The following DRICH1 variants were observed in gnomAD, a reference collection of about 807,000 sequenced individuals.
DRICH1 encodes the protein aspartate rich 1.
A neutral mutation model predicts 39.5 loss-of-function variants in DRICH1; 38 were observed. The observed-to-expected ratio is 0.96, with a 90% confidence interval of 0.74 to 1.26. DRICH1 has a LOEUF of 1.26. Ranked by LOEUF, DRICH1 falls within the 50% of genes most tolerant of loss-of-function variation. The probability of loss-of-function intolerance (pLI) is 0.00; values close to 1 mark genes in which losing one functional copy is unlikely to be tolerated. For synonymous variants in DRICH1, 84 were observed against 99.5 expected, an observed-to-expected ratio of 0.84 and a Z score of 0.93; for missense variants, 279 against 270.4, an observed-to-expected ratio of 1.03 and a Z score of -0.22.
At chr22:23,615,082 T>A (rs988006494) in intron 8 of DRICH1, among the ~76,000 whole-genome samples, 2 of 152,236 alleles carry the variant, frequency 1.3e-5, no homozygotes, top group Admixed American at 6.5e-5. Flanking sequence ...TATATAAAAA[T>A]TATTTTTTTG....
At chr22:23,600,643 C>T in the DRICH1 span, among the ~76,000 whole-genome samples, 2 of 151,478 alleles carry the variant, frequency 1.3e-5, no homozygotes, top group South Asian at 2.1e-4. Flanking sequence ...CCCCACTAGC[C>T]TCCCCTCTAA....
the DRICH1 span, among the ~76,000 whole-genome samples, chr22:23,591,537 C>T: frequency 1.5e-4 from 23 of 152,158 alleles, no homozygotes; most frequent in Non-Finnish European, 2.9e-5. Context: ...CCAAGCGCTT[C>T]CCACTTCACT....
intron 1 of DRICH1, 65 bp downstream of exon 1, chr22:23,631,751 A>T (rs2123803621): frequency 7.7e-7 from 1 of 1,293,370 alleles, no homozygotes; most frequent in South Asian, 1.2e-5. Flanking sequence ...GGATGAGGGT[A>T]AGGGAAGGGG....
chr22:23,582,557 TA>T, the DRICH1 span, among the ~76,000 whole-genome samples: 14 of 130,834 alleles, frequency 1.1e-4, no homozygotes, highest in Admixed American at 9.1e-4. Context: ...TTCAGGGGCT[TA>T]TTATTATTAT....
chr22:23,592,977 A>G, the DRICH1 span, among the ~76,000 whole-genome samples: 1 of 151,844 alleles, frequency 6.6e-6, no homozygotes, highest in Admixed American at 6.6e-5. Context: ...GGTTGCAGTG[A>G]GCCATGATCG....
Position 23,625,976 on chromosome 22 carries a change from CT to C in DRICH1, c.276+4del. On this transcript the variant is annotated splice_donor_region_variant and intron_variant, in intron 2 of 11. Coordinates refer to ENST00000317749, the MANE Select transcript of DRICH1 (RefSeq NM_016449.4). ...TCCTTAGAAGGCAAAGAAAGGGGGTCTTACCTTGGCATCATCATTGTCTTCC... is the reference window on the plus strand; with the variant it reads ...TCCTTAGAAGGCAAAGAAAGGGGGTCTACCTTGGCATCATCATTGTCTTCC... 1 of 1,607,358 alleles carries C rather than the reference CT, an allele frequency of 6.2e-7. No individual in the cohort carries two copies. The highest frequency in any genetic ancestry group is 8.5e-7 in the Non-Finnish European group (1 of 1,177,612).
chr22:23,596,817 T>G, the DRICH1 span, among the ~76,000 whole-genome samples: 3 of 152,154 alleles, frequency 2.0e-5, no homozygotes, highest in Admixed American at 1.3e-4. Flanking sequence ...CATGTGTGCT[T>G]GGGAAGAATC....
intron 4 of DRICH1, among the ~76,000 whole-genome samples, chr22:23,621,370 C>G (rs913593888): frequency 6.6e-6 from 1 of 151,800 alleles, no homozygotes; most frequent in Non-Finnish European, 1.5e-5. Context: ...CCTGAGCTCA[C>G]TAGGATGGTA....
chr22:23,590,859 T>G, the DRICH1 span, among the ~76,000 whole-genome samples: 2 of 151,398 alleles, frequency 1.3e-5, no homozygotes, highest in South Asian at 4.2e-4. Context: ...CCTAAAGGGA[T>G]CCGCTCACCC....
At chr22:23,619,046 T>A (rs1927551545) in intron 6 of DRICH1, among the ~76,000 whole-genome samples, 1 of 151,636 alleles carries the variant, frequency 6.6e-6, no homozygotes, top group Non-Finnish European at 1.5e-5. Context: ...GTGGCATGCA[T>A]CTGTAGTCCC....
the DRICH1 span, among the ~76,000 whole-genome samples, chr22:23,589,126 A>ACC: frequency 0.039 from 5,391 of 138,812 alleles, 117 homozygotes; most frequent in Middle Eastern, 0.067. Flanking sequence ...ACACACACAC[A>ACC]CCCCTTTGAT....
At chr22:23,625,851 C>A (rs1349719433) in intron 2 of DRICH1, 130 bp downstream of exon 2, 6 of 718,342 alleles carry the variant, frequency 8.4e-6, no homozygotes, top group Non-Finnish European at 1.2e-5. Context: ...TCTTGCAAGA[C>A]CATCATTAAA....
At chr22:23,589,887 C>T in the DRICH1 span, among the ~76,000 whole-genome samples, 1 of 152,290 alleles carries the variant, frequency 6.6e-6, no homozygotes, top group East Asian at 1.9e-4. Flanking sequence ...GTAACTGTTA[C>T]CACAGGACAT....
At chr22:23,613,564 C>A (rs1927168101) in intron 10 of DRICH1, 75 bp downstream of exon 10, 1 of 1,188,356 alleles carries the variant, frequency 8.4e-7, no homozygotes. Context: ...CCAGCAGGAC[C>A]CCAGAATCAG....
At chr22:23,618,000 C>T (rs6003815) in intron 6 of DRICH1, among the ~76,000 whole-genome samples, 67,903 of 151,858 alleles carry the variant, frequency 0.45, 15,429 homozygotes, top group Admixed American at 0.56. Flanking sequence ...GTACACTGGA[C>T]ATAATTATGC....
intron 1 of DRICH1, among the ~76,000 whole-genome samples, chr22:23,629,025 CTCTT>C (rs1026228393): frequency 1.2e-4 from 18 of 149,694 alleles, no homozygotes; most frequent in Middle Eastern, 6.9e-3. Flanking sequence ...CTCCGCTCTT[CTCTT>C]TAATTTTTTG....
the DRICH1 span, among the ~76,000 whole-genome samples, chr22:23,600,346 T>C: frequency 6.6e-6 from 1 of 152,222 alleles, no homozygotes; most frequent in Non-Finnish European, 1.5e-5. Context: ...CCTGGGTCCC[T>C]CTGAGCTCTG....
the DRICH1 span, among the ~76,000 whole-genome samples, chr22:23,599,121 C>G: frequency 2.0e-5 from 3 of 152,220 alleles, no homozygotes; most frequent in Admixed American, 2.0e-4. Flanking sequence ...CACTCAATAG[C>G]GTCTCAACAC....
At chr22:23,621,297 G>C (rs992274941) in intron 4 of DRICH1, among the ~76,000 whole-genome samples, 1 of 151,886 alleles carries the variant, frequency 6.6e-6, no homozygotes, top group Non-Finnish European at 1.5e-5. Context: ...AAAATAGCTC[G>C]CTTTGTCTGT....
Sources: allele counts gnomAD v4.1 joint callset (sites outside exome capture counted in the v4.1 genomes callset), GRCh38; gene constraint gnomAD v4.1.1; transcripts MANE v1.5; gene names NCBI Gene and HGNC (gene_info 2026-07-23, HGNC 2026-07-21).